PML: variants seen among roughly 807,000 people sequenced by gnomAD.
PML encodes the protein protein PML.
Under a neutral mutation model 65.2 loss-of-function variants are expected in PML, and 28 were observed. The observed-to-expected ratio is 0.43, with a 90% CI of 0.32 to 0.59. The LOEUF is 0.59. Ranked by LOEUF, PML falls within the 20% of genes least tolerant of loss-of-function variation. PML has a pLI of 0.08. For synonymous variants in PML, 500 were observed against 508.8 expected (o/e 0.98, Z 0.23); for missense variants, 1,021 against 1,203.4 (o/e 0.85, Z 2.24).
chr15:74,001,394 G>A (rs535933878), intron 2 of PML, among the ~76,000 whole-genome samples: 278 of 151,694 alleles, frequency 1.8e-3, no homozygotes, highest in African/African-American at 5.6e-3. Flanking sequence ...AGGCTGGAGT[G>A]CAGTGGTAGA....
intron 1 of PML, among the ~76,000 whole-genome samples, chr15:73,996,547 G>A (rs2069521618): frequency 6.6e-6 from 1 of 152,202 alleles, no homozygotes; most frequent in Non-Finnish European, 1.5e-5. Context: ...AAAGTTCTTA[G>A]ATAATAAAAG....
intron 2 of PML, among the ~76,000 whole-genome samples, chr15:74,016,566 G>A (rs940228038): frequency 1.3e-5 from 2 of 151,974 alleles, no homozygotes; most frequent in South Asian, 2.1e-4. Context: ...CCTTTACTTA[G>A]AATTGATTAT....
chr15:74,043,467 G>A lies in PML; in HGVS notation c.1861+328G>A, dbSNP rs558439979. 1,553 of 1,175,630 alleles carry A rather than the reference G, an allele frequency of 1.3e-3. 3 individuals carry two copies. The highest frequency in any genetic ancestry group is 1.4e-3 in the Non-Finnish European group (1,282 of 889,306). The allele number at this position is 1,175,630 out of a possible 1,614,324, so 72.8% of individuals were successfully genotyped here. On this transcript the variant is annotated intron_variant, in intron 8 of 8. Coordinates refer to ENST00000268058, the MANE Select transcript of PML (RefSeq NM_033238.3). This position sits in a 1 kb window ranked among gnomAD's most constrained non-coding sequence, Gnocchi z 4.3. The stretch of plus-strand genomic sequence containing the variant: ...ACACAATGCGTGAGCTCATTGCCGT[G>A]AGCCCTGTCATCCAAGTAAGGCCTC...
rs2070928605 is a variant in PML at position 74,023,319 on chromosome 15, A to G, written c.1094A>G (p.Gln365Arg). ...ALCRLRQEEP[Q>R]SLQAAVRTDG... Reference sequence around the variant, plus strand: ...TGCCGCCTGCGCCAGGAGGAGCCCCAGAGCCTGCAAGCTGCCGTGCGCACC... The same window carrying G: ...TGCCGCCTGCGCCAGGAGGAGCCCCGGAGCCTGCAAGCTGCCGTGCGCACC... Residue 365 changes from glutamine (Q) to arginine (R), a missense_variant, in exon 3 of 9, where the codon CAG (glutamine) becomes CGG (arginine). Gln to Arg is a conservative substitution (Grantham distance 43). Coordinates refer to ENST00000268058, the MANE Select transcript of PML (RefSeq NM_033238.3). The G allele has an allele frequency of 1.9e-6, 3 of 1,607,786 alleles. No individual in the cohort carries two copies. Among genetic ancestry groups the G allele is most frequent in the Non-Finnish European group, 2.5e-6 (3 of 1,179,830 alleles).
At position 74,035,382 on chromosome 15, in the gene PML, G is replaced by A. The variant is rs200905984; in HGVS notation, c.1710+852G>A. ...CACCCCCGATGCTGAGCCTCACAGC[G>A]AGCCTCCTGATCACCAGGAGCGCCC... On this transcript the variant is annotated intron_variant, in intron 7 of 8. Transcript: ENST00000268058. The surrounding 1 kb of genome is among the most constrained non-coding windows in gnomAD (Gnocchi z 4.1). 194 of 1,611,682 alleles carry A rather than the reference G, an allele frequency of 1.2e-4. 2 individuals are homozygous for A. The highest frequency in any genetic ancestry group is 6.6e-4 in the South Asian group (60 of 91,076).
rs1025704052 is a variant in PML, at chr15:74,045,942, G to C, written c.*934G>C. The C allele has an allele frequency of 4.3e-6, 1 of 232,414 alleles. No individual in the cohort carries two copies. Among genetic ancestry groups the C allele is most frequent in the East Asian group, 6.1e-5 (1 of 16,520 alleles). The allele number at this position is 232,414 out of a possible 1,614,324, so 14.4% of individuals were successfully genotyped here. ...TTTAACAGGTTCTCCCGGTGATGCT[G>C]GTGCATGCTCAAGTTTGAGAACCGC... is the stretch of plus-strand genomic sequence containing the variant. On this transcript the variant is annotated 3_prime_UTR_variant, in exon 9 of 9. Transcript: ENST00000268058.
At chr15:74,018,802 GT>G (rs2070711570) in intron 2 of PML, among the ~76,000 whole-genome samples, 1 of 152,208 alleles carries the variant, frequency 6.6e-6, no homozygotes, top group Admixed American at 6.5e-5. Context: ...AGTTAGTGGT[GT>G]TTTTGCTTAT....
chr15:74,032,710 G>A lies in PML; in HGVS notation c.1393G>A (p.Gly465Arg). The A allele has an allele frequency of 6.2e-7, 1 of 1,614,216 alleles. No individual in the cohort carries two copies. The highest frequency in any genetic ancestry group is 1.7e-4 in the Middle Eastern group (1 of 6,060). The change falls in exon 5 of 9, where the codon GGA becomes AGA. Residue 465 changes from glycine to arginine, a missense_variant. Physicochemically the swap from Gly to Arg is moderately radical, Grantham distance 125. Transcript: ENST00000268058. ...CTTCTCCATCAAAGGCCCTTCCTAT[G>A]GAGAGGTAAGGTTCTCCCCAGCCCC... Reference protein sequence around the residue: ...YAFSIKGPSYGEDVSNTTTAQ... With the variant: ...YAFSIKGPSYREDVSNTTTAQ...
intron 8 of PML, 150 bp from the exon 9 acceptor site, chr15:74,044,071 C>A: frequency 1.4e-6 from 1 of 728,552 alleles, no homozygotes; most frequent in Non-Finnish European, 2.4e-6. Context: ...AGGATCAGAG[C>A]TGCATTTGGG....
chr15:74,003,159 C>A lies in PML; in HGVS notation c.602+4683C>A, dbSNP rs574934275. ...AAAAAAAGAAAAAAAGTGGGCCAGG[C>A]GCAGTGGCTCACGCTTGTAATCCCA... On this transcript the variant is annotated intron_variant, in intron 2 of 8. Transcript: ENST00000268058. Among the ~76,000 whole-genome samples, 3 of 151,798 alleles carry A rather than the reference C, an allele frequency of 2.0e-5. No individual in the cohort carries two copies. In the South Asian group the frequency reaches 6.3e-4, roughly 32 times the overall value.
intron 2 of PML, among the ~76,000 whole-genome samples, chr15:74,017,822 T>G (rs949441822): frequency 5.9e-5 from 9 of 152,148 alleles, no homozygotes; most frequent in African/African-American, 2.2e-4. Context: ...TGTTATCCCT[T>G]CCTTACACTG....
In PML at chr15:74,042,623, T is replaced by G; in HGVS notation, c.1711-366T>G. 1 of 985,388 alleles carries G rather than the reference T, an allele frequency of 1.0e-6. No individual in the cohort carries two copies. The highest frequency in any genetic ancestry group is 1.2e-6 in the Non-Finnish European group (1 of 829,924). 61.0% of individuals were successfully genotyped at this position (985,388 alleles called of 1,614,324 possible). On this transcript the variant is annotated intron_variant, in intron 7 of 8. Coordinates refer to ENST00000268058, the MANE Select transcript of PML (RefSeq NM_033238.3). The surrounding 1 kb of genome is among the most constrained non-coding windows in gnomAD (Gnocchi z 5.3). ...TGCACACACCCACTGGCATTTTCTC[T>G]CACACTTTCATACACTTGTGTCAAC... is the stretch of plus-strand genomic sequence containing the variant.
At chr15:74,017,743 G>A (rs2070658138) in intron 2 of PML, among the ~76,000 whole-genome samples, 1 of 152,190 alleles carries the variant, frequency 6.6e-6, no homozygotes, top group Admixed American at 6.5e-5. Flanking sequence ...TATCTGGTCT[G>A]TTCTACTGAT....
chr15:74,032,550 C>T, intron 4 of PML, 22 bp from the exon 5 acceptor site: 1 of 1,613,862 alleles, frequency 6.2e-7, no homozygotes, highest in Non-Finnish European at 8.5e-7. Context: ...TCATTTCTGA[C>T]TCAATTTTCC....
chr15:74,031,761 A>G (rs568128680), intron 4 of PML, among the ~76,000 whole-genome samples: 1 of 152,240 alleles, frequency 6.6e-6, no homozygotes, highest in Non-Finnish European at 1.5e-5. Context: ...TGAGATAGGT[A>G]CATGAAGCAC....
At position 74,044,335 on chromosome 15, in the gene PML, TGCA is replaced by T; in HGVS notation, c.1980_1982del (p.Gln660del). On this transcript the variant is annotated inframe_deletion, in exon 9 of 9. Coordinates refer to ENST00000268058, the MANE Select transcript of PML (RefSeq NM_033238.3). ...AAGGCCGTGTCCCTGGAGGTGGGGC[TGCA>T]GCACTTCCTCAGCTTTCTGAGCTCC... The T allele has an allele frequency of 1.2e-6, 2 of 1,614,168 alleles. No homozygotes were observed. The highest frequency in any genetic ancestry group is 1.7e-6 in the Non-Finnish European group (2 of 1,180,012).
intron 2 of PML, among the ~76,000 whole-genome samples, chr15:74,010,503 C>T (rs978335249): frequency 2.3e-4 from 32 of 136,414 alleles, no homozygotes; most frequent in African/African-American, 7.4e-4. Context: ...GGCAACAGAG[C>T]GAGGCCTTGT....
chr15:73,998,546 C>A, intron 2 of PML, 70 bp downstream of exon 2: 1 of 1,318,826 alleles, frequency 7.6e-7, no homozygotes, highest in Non-Finnish European at 1.1e-6. Flanking sequence ...AGCAAAGATC[C>A]AAAGAGTCAC....
intron 7 of PML, chr15:74,034,938 T>C (rs1472720954): frequency 2.1e-6 from 3 of 1,457,126 alleles, no homozygotes. Flanking sequence ...GGCAGCTATA[T>C]AGGGGCCAAA....
Sources: allele counts gnomAD v4.1 joint callset (sites outside exome capture counted in the v4.1 genomes callset), GRCh38; gene constraint gnomAD v4.1.1; non-coding constraint Gnocchi (gnomAD v3.1); transcripts MANE v1.5; gene names NCBI Gene and HGNC (gene_info 2026-07-23, HGNC 2026-07-21).